SYTL3: variants seen among roughly 807,000 people sequenced by gnomAD.
SYTL3 encodes synaptotagmin like 3.
Under a neutral mutation model 82.1 loss-of-function variants are expected in SYTL3, and 88 were observed. The ratio of observed to expected loss-of-function variants is 1.07; its 90% CI spans 0.90 to 1.28. SYTL3 has a LOEUF of 1.28. SYTL3 is among the 50% of genes most tolerant of loss of function. SYTL3 has a pLI of 0.00. For synonymous variants in SYTL3, 311 were observed against 289.4 expected (o/e 1.07, Z -0.76); for missense variants, 831 against 757.6 (o/e 1.10, Z -1.14).
At chr6:158,748,994 G>T (rs1788011615) in intron 12 of SYTL3, among the ~76,000 whole-genome samples, 1 of 152,020 alleles carries the variant, frequency 6.6e-6, no homozygotes, top group South Asian at 2.1e-4. Context: ...GCCGAGAAGG[G>T]TGGATCACCT....
At chr6:158,699,194 G>A (rs943784558) in intron 6 of SYTL3, among the ~76,000 whole-genome samples, 2 of 152,176 alleles carry the variant, frequency 1.3e-5, no homozygotes, top group Non-Finnish European at 2.9e-5. Context: ...ACGACTTGGC[G>A]GGCTGATGGA....
At chr6:158,699,584 TCA>T (rs1304892249) in intron 6 of SYTL3, among the ~76,000 whole-genome samples, 9 of 152,272 alleles carry the variant, frequency 5.9e-5, no homozygotes, top group African/African-American at 2.2e-4. Context: ...GTGTGAATCC[TCA>T]CAGTGCTGTG....
intron 2 of SYTL3, among the ~76,000 whole-genome samples, chr6:158,656,769 T>C (rs911181921): frequency 1.3e-5 from 2 of 152,036 alleles, no homozygotes; most frequent in African/African-American, 4.8e-5. Context: ...TCTATTGTTG[T>C]AGAAGGGCCT....
chr6:158,646,467 G>A (rs901889594), upstream of SYTL3, among the ~76,000 whole-genome samples: 8 of 152,192 alleles, frequency 5.3e-5, no homozygotes, highest in Admixed American at 3.3e-4. Flanking sequence ...ACCATGCCCG[G>A]CCTAAAATTT....
At chr6:158,708,475 C>T (rs901263788) in intron 8 of SYTL3, 84 bp downstream of exon 8, 17 of 1,353,784 alleles carry the variant, frequency 1.3e-5, no homozygotes, top group South Asian at 1.1e-4. Context: ...AGGCTGAGGC[C>T]GGGCACGGAA....
Position 158,759,811 on chromosome 6 carries a change from A to G in SYTL3, c.1309-829A>G, listed in dbSNP as rs188678095. On this transcript the variant is annotated intron_variant, in intron 14 of 17. Coordinates refer to ENST00000611299, the MANE Select transcript of SYTL3 (RefSeq NM_001242394.2). ...CTCCCAAAGTGCTGGGATTACAGGC[A>G]TGAGTCACCATGCTTGGCCTCAGGA... 1.9e-4 allele frequency among the ~76,000 whole-genome samples: 29 copies of G among 152,270 alleles called. No homozygotes were observed. In the East Asian group the frequency reaches 5.2e-3, roughly 27 times the overall value.
At chr6:158,754,753 C>G (rs1269969832) in intron 13 of SYTL3, among the ~76,000 whole-genome samples, 1 of 152,148 alleles carries the variant, frequency 6.6e-6, no homozygotes, top group African/African-American at 2.4e-5. Flanking sequence ...AAGGTAGATT[C>G]TGTATGTAGC....
intron 10 of SYTL3, among the ~76,000 whole-genome samples, chr6:158,719,333 T>G (rs989968417): frequency 1.3e-5 from 2 of 152,188 alleles, no homozygotes; most frequent in Non-Finnish European, 2.9e-5. Flanking sequence ...AAAGGTTGTA[T>G]AGCCAAAAGA....
intron 11 of SYTL3, among the ~76,000 whole-genome samples, chr6:158,742,387 G>A (rs1010688310): frequency 2.6e-5 from 4 of 152,116 alleles, no homozygotes; most frequent in African/African-American, 9.7e-5. Flanking sequence ...CTGAGGCTGA[G>A]CTGATTCAAA....
At chr6:158,745,705 A>C (rs753224664) in intron 12 of SYTL3, 47 bp downstream of exon 12, 2 of 1,428,600 alleles carry the variant, frequency 1.4e-6, no homozygotes, top group Non-Finnish European at 1.9e-6. Context: ...TGATTCCAAA[A>C]TGTATATGAA....
At chr6:158,661,137 A>G (rs1789333622) in intron 2 of SYTL3, 132 bp from the exon 3 acceptor site, 1 of 152,266 alleles carries the variant, frequency 6.6e-6, no homozygotes, top group Non-Finnish European at 1.5e-5. Flanking sequence ...TGGAAATAAG[A>G]AGACAGCATG....
At chr6:158,763,273 A>G in intron 16 of SYTL3, 31 bp from the exon 17 acceptor site, 4 of 1,609,216 alleles carry the variant, frequency 2.5e-6, no homozygotes, top group Non-Finnish European at 3.4e-6. Flanking sequence ...TGTGGATGGC[A>G]ATGATTGCAG....
chr6:158,744,505 G>C (rs1353337262), intron 11 of SYTL3, among the ~76,000 whole-genome samples: 1 of 151,604 alleles, frequency 6.6e-6, no homozygotes. Context: ...ATTTTTAGTA[G>C]AGATGGGGTT....
chr6:158,760,577 G>A, intron 14 of SYTL3, 63 bp from the exon 15 acceptor site: 5 of 1,430,158 alleles, frequency 3.5e-6, no homozygotes, highest in Middle Eastern at 1.7e-4. Context: ...GACAACCAGA[G>A]GAACCCAGAA....
chr6:158,691,534 T>C (rs181552488), intron 6 of SYTL3, among the ~76,000 whole-genome samples: 22 of 152,326 alleles, frequency 1.4e-4, no homozygotes, highest in African/African-American at 5.3e-4. Context: ...GATGCCCTCT[T>C]CTGGCTCCTC....
chr6:158,660,121 C>T (rs867103507), intron 2 of SYTL3, among the ~76,000 whole-genome samples: 5 of 151,958 alleles, frequency 3.3e-5, no homozygotes, highest in African/African-American at 4.8e-5. Context: ...AAAAATTAGC[C>T]GGGCGTGGTG....
At chr6:158,698,289 C>T (rs1262600682) in intron 6 of SYTL3, among the ~76,000 whole-genome samples, 2 of 150,568 alleles carry the variant, frequency 1.3e-5, no homozygotes, top group East Asian at 3.9e-4. Context: ...CCCAGCTACA[C>T]AGGAGGCTGA....
chr6:158,676,614 A>G (rs1345328063), intron 5 of SYTL3, among the ~76,000 whole-genome samples: 1 of 151,678 alleles, frequency 6.6e-6, no homozygotes, highest in Non-Finnish European at 1.5e-5. Context: ...CAGAGTGAAC[A>G]GGCAACCTAC....
At chr6:158,690,926 C>T (rs2128420329) in intron 6 of SYTL3, among the ~76,000 whole-genome samples, 1 of 152,308 alleles carries the variant, frequency 6.6e-6, no homozygotes, top group South Asian at 2.1e-4. Context: ...ATTTGGCAAT[C>T]CGTGCAGAGG....
Sources: gnomAD v4.1 joint callset for allele counts (sites outside exome capture counted in the v4.1 genomes callset) on GRCh38, gnomAD v4.1.1 for gene constraint, MANE v1.5 for transcripts, NCBI Gene and HGNC (gene_info 2026-07-23, HGNC 2026-07-21) for gene names.